ASDURF: variants seen among roughly 807,000 people sequenced by gnomAD.
The protein encoded by ASDURF is ASDURF protein.
ASDURF carries 3 observed loss-of-function variants against 3.3 expected under a neutral mutation model. That is an observed-to-expected ratio of 0.92 (90% CI 0.42 to 2.37). The LOEUF is 2.37. ASDURF is among the 30% of genes most tolerant of loss of function. ASDURF has a pLI of 0.05. For missense variants in ASDURF, 23 were observed against 25.4 expected, an observed-to-expected ratio of 0.90 and a Z score of 0.21; for synonymous variants, 11 against 8.3, an observed-to-expected ratio of 1.32 and a Z score of -0.55.
At chr2:189,662,351 T>G (rs2032687061) in intron 1 of ASDURF, among the ~76,000 whole-genome samples, 1 of 152,250 alleles carries the variant, frequency 6.6e-6, no homozygotes, top group South Asian at 2.1e-4. Context: ...TGTCCCAAAC[T>G]TACAATGACA....
chr2:189,664,278 A>G (rs1395499809), intron 2 of ASDURF, among the ~76,000 whole-genome samples: 1 of 152,202 alleles, frequency 6.6e-6, no homozygotes. Flanking sequence ...AACGAACTTT[A>G]TATTGAGATG....
rs774450948 is a variant in ASDURF, at chr2:189,666,181, C to T, written c.*70C>T. 2 of 1,602,996 alleles carry T rather than the reference C, an allele frequency of 1.2e-6. No individual in the cohort carries two copies. The highest frequency in any genetic ancestry group is 1.7e-6 in the Non-Finnish European group (2 of 1,175,874). On this transcript the variant is annotated 3_prime_UTR_variant, in exon 4 of 4. Coordinates refer to ENST00000607829, the MANE Select transcript of ASDURF (RefSeq NM_001353493.2). ...AAACTTTTCTGCTGAGCATTTCAGTCAAGATTTAAAAGAGGACTTACTATA... is the reference window on the plus strand; with the variant it reads ...AAACTTTTCTGCTGAGCATTTCAGTTAAGATTTAAAAGAGGACTTACTATA...
chr2:189,663,238 TA>T (rs201229463), intron 1 of ASDURF, among the ~76,000 whole-genome samples: 3,021 of 127,078 alleles, frequency 0.024, 70 homozygotes, highest in East Asian at 0.12. Flanking sequence ...CATATATATA[TA>T]TTTTTTAAAT....
intron 2 of ASDURF, among the ~76,000 whole-genome samples, chr2:189,664,338 G>C (rs1441951878): frequency 6.6e-6 from 1 of 152,112 alleles, no homozygotes; most frequent in African/African-American, 2.4e-5. Flanking sequence ...GAACAAAAAA[G>C]GATACATTGC....
chr2:189,661,475 G>T lies in ASDURF; in HGVS notation c.-46G>T, dbSNP rs1178189578. 19 of 399,212 alleles carry T rather than the reference G, an allele frequency of 4.8e-5. No individual in the cohort carries two copies. The East Asian group carries it at 6.8e-4, about 14-fold the overall frequency. 24.7% of individuals were successfully genotyped at this position (399,212 alleles called of 1,614,324 possible). A position where few individuals can be genotyped will look rare whatever the true frequency, so the allele number is the denominator to read the frequency against. On this transcript the variant is annotated 5_prime_UTR_variant, in exon 1 of 4. Coordinates refer to ENST00000607829, the MANE Select transcript of ASDURF (RefSeq NM_001353493.2). ...GCATGCGCTGTGGCTAATGCCGTAG[G>T]CTCCTTCAGGGCTGAGCCATCCCGC...
At chr2:189,665,243 C>G (rs1313527457) in intron 2 of ASDURF, 133 bp from the exon 3 acceptor site, 2 of 370,374 alleles carry the variant, frequency 5.4e-6, no homozygotes, top group East Asian at 7.6e-5. Context: ...TTTTATTTGT[C>G]TTTTTGCTTG....
At chr2:189,665,981 C>G (rs1188966664) in intron 3 of ASDURF, 60 bp from the exon 4 acceptor site, 2 of 769,046 alleles carry the variant, frequency 2.6e-6, no homozygotes, top group Non-Finnish European at 3.9e-6. Flanking sequence ...CTCTGAATTG[C>G]TAGGTAAAAG....
At position 189,666,284 on chromosome 2, in the gene ASDURF, C is replaced by T. The variant is rs776853334; in HGVS notation, c.*173C>T. ...GTTAACTACCAGTGTTTATTTTCTG[C>T]TCACGTCCTACACTTGAGGGGTGTT... On this transcript the variant is annotated 3_prime_UTR_variant, in exon 4 of 4. Transcript: ENST00000607829. The T allele has an allele frequency of 1.9e-6, 3 of 1,614,092 alleles. No homozygotes were observed. The highest frequency in any genetic ancestry group is 1.6e-4 in the Middle Eastern group (1 of 6,062).
chr2:189,666,325 G>A lies in ASDURF; in HGVS notation c.*214G>A. 2 of 1,613,898 alleles carry A rather than the reference G, an allele frequency of 1.2e-6. No homozygotes were observed. Among genetic ancestry groups the A allele is most frequent in the South Asian group, 1.1e-5 (1 of 91,034 alleles). On this transcript the variant is annotated 3_prime_UTR_variant, in exon 4 of 4. Coordinates refer to ENST00000607829, the MANE Select transcript of ASDURF (RefSeq NM_001353493.2). ...GAGGGGTGTTTTGACTACCCAGCCT[G>A]TGGAAGATGAAAGAGGCAATGTGTT...
intron 3 of ASDURF, 147 bp downstream of exon 3, chr2:189,665,598 G>A (rs12693552): frequency 0.33 from 4,714 of 14,332 alleles, 1,018 homozygotes; most frequent in Middle Eastern, 0.58. Context: ...ATATATATGT[G>A]TATATATATA....
intron 2 of ASDURF, among the ~76,000 whole-genome samples, chr2:189,664,746 C>CA (rs545748114): frequency 0.047 from 5,736 of 122,904 alleles, 149 homozygotes; most frequent in African/African-American, 0.081. Context: ...GACTCCTTCT[C>CA]AAAAAAAAAA....
intron 1 of ASDURF, among the ~76,000 whole-genome samples, chr2:189,661,826 C>A (rs140476455): frequency 8.1e-4 from 123 of 152,346 alleles, no homozygotes; most frequent in Middle Eastern, 6.8e-3. Context: ...TGTCCCGAGA[C>A]TGGACCCAGG....
At chr2:189,665,604 A>G (rs1305448402) in intron 3 of ASDURF, among the ~76,000 whole-genome samples, 153 bp downstream of exon 3, 1,850 of 8,094 alleles carry the variant, frequency 0.23, 108 homozygotes, top group Non-Finnish European at 0.37. Flanking sequence ...ATGTGTATAT[A>G]TATATATATA....
At chr2:189,663,551 C>T (rs1301210612) in intron 1 of ASDURF, among the ~76,000 whole-genome samples, 1 of 152,206 alleles carries the variant, frequency 6.6e-6, no homozygotes, top group Non-Finnish European at 1.5e-5. Context: ...CCGCACCCGG[C>T]CTGGTGTATA....
At chr2:189,665,102 G>A (rs1191123603) in intron 2 of ASDURF, among the ~76,000 whole-genome samples, 3 of 152,156 alleles carry the variant, frequency 2.0e-5, no homozygotes, top group Non-Finnish European at 4.4e-5. Flanking sequence ...ATAAGAAAAA[G>A]TATTCTCAAT....
intron 2 of ASDURF, among the ~76,000 whole-genome samples, chr2:189,664,534 T>A (rs900867700): frequency 6.6e-5 from 10 of 152,246 alleles, no homozygotes; most frequent in African/African-American, 2.4e-4. Flanking sequence ...GTAAAGATTA[T>A]GTAATAACTG....
Position 189,666,218 on chromosome 2 carries a change from A to T in ASDURF, c.*107A>T. ...GAGGACTTACTATATAATCTTAAAC[A>T]GCGGGGACCCAATAGTAGTAAACAA... On this transcript the variant is annotated 3_prime_UTR_variant, in exon 4 of 4. Transcript: ENST00000607829. 1.2e-6 allele frequency: 2 copies of T among 1,613,748 alleles called. No individual in the cohort carries two copies. The highest frequency in any genetic ancestry group is 1.7e-6 in the Non-Finnish European group (2 of 1,179,920).
chr2:189,665,118 G>A (rs1259050250), intron 2 of ASDURF, among the ~76,000 whole-genome samples: 1 of 152,076 alleles, frequency 6.6e-6, no homozygotes, highest in African/African-American at 2.4e-5. Context: ...TCAATATATT[G>A]CTCATTGATA....
In ASDURF at chr2:189,666,258, T is replaced by C; in HGVS notation, c.*147T>C. The C allele has an allele frequency of 6.2e-7, 1 of 1,614,190 alleles. No individual in the cohort carries two copies. The highest frequency in any genetic ancestry group is 8.5e-7 in the Non-Finnish European group (1 of 1,180,014). On this transcript the variant is annotated 3_prime_UTR_variant, in exon 4 of 4. Transcript: ENST00000607829. ...GTAGTAAACAATTGTTAAAGTCTGA[T>C]GTTAACTACCAGTGTTTATTTTCTG... is the stretch of plus-strand genomic sequence containing the variant.
Sources: allele counts gnomAD v4.1 joint callset (sites outside exome capture counted in the v4.1 genomes callset), GRCh38; gene constraint gnomAD v4.1.1; transcripts MANE v1.5; gene names NCBI Gene and HGNC (gene_info 2026-07-23, HGNC 2026-07-21).